EEPD1: variants seen among roughly 807,000 people sequenced by gnomAD.
EEPD1 encodes endonuclease/exonuclease/phosphatase family domain-containing protein 1.
Under a neutral mutation model 46.3 loss-of-function variants are expected in EEPD1, and 17 were observed. The observed-to-expected ratio is 0.37, with a 90% CI of 0.25 to 0.55. EEPD1 has a LOEUF of 0.55. EEPD1 is among the 20% of genes least tolerant of loss of function. The probability of loss-of-function intolerance (pLI) is 0.83; values close to 1 mark genes in which losing one functional copy is unlikely to be tolerated. For synonymous variants in EEPD1, 313 were observed against 315.6 expected (o/e 0.99, Z 0.09); for missense variants, 673 against 745.6 (o/e 0.90, Z 1.13).
At chr7:36,294,592 A>C (rs368786117) in intron 6 of EEPD1, among the ~76,000 whole-genome samples, 1 of 152,174 alleles carries the variant, frequency 6.6e-6, no homozygotes, top group African/African-American at 2.4e-5. Flanking sequence ...CACTCTAGGA[A>C]AATTCTGCCA....
At chr7:36,270,914 CCCA>C (rs1280989539) in intron 3 of EEPD1, among the ~76,000 whole-genome samples, 3 of 152,176 alleles carry the variant, frequency 2.0e-5, no homozygotes, top group African/African-American at 4.8e-5. Flanking sequence ...AATTTACACT[CCCA>C]CCAAGTGTAA....
chr7:36,250,038 G>A (rs1360637711), intron 3 of EEPD1, among the ~76,000 whole-genome samples: 4 of 152,100 alleles, frequency 2.6e-5, no homozygotes. Flanking sequence ...GGGCAACATA[G>A]TGAAACCCTG....
At position 36,299,500 on chromosome 7, in the gene EEPD1, A is replaced by T. The variant is rs1787583044; in HGVS notation, c.*294A>T. ...GCATTGGGCTGGCTGTCCGCTGCTGACTGGATGGCAGCACAAAGACAATAT... is the reference window on the plus strand; with the variant it reads ...GCATTGGGCTGGCTGTCCGCTGCTGTCTGGATGGCAGCACAAAGACAATAT... On this transcript the variant is annotated 3_prime_UTR_variant, in exon 8 of 8. Coordinates refer to ENST00000242108, the MANE Select transcript of EEPD1 (RefSeq NM_030636.3). 6.9e-6 allele frequency: 3 copies of T among 436,948 alleles called. No homozygotes were observed. 27.1% of individuals were successfully genotyped at this position (436,948 alleles called of 1,614,324 possible).
intron 3 of EEPD1, among the ~76,000 whole-genome samples, chr7:36,243,439 C>T (rs1021596625): frequency 6.6e-6 from 1 of 151,832 alleles, no homozygotes; most frequent in African/African-American, 2.4e-5. Flanking sequence ...ATAGGTAGAG[C>T]CAGCAAAAAA....
chr7:36,170,075 G>A (rs534314734), intron 2 of EEPD1, among the ~76,000 whole-genome samples: 183 of 152,226 alleles, frequency 1.2e-3, no homozygotes, highest in South Asian at 2.3e-3. Context: ...GATTGCTGCC[G>A]GCATCCACAA....
At chr7:36,220,429 G>T (rs1786124422) in intron 2 of EEPD1, among the ~76,000 whole-genome samples, 1 of 152,142 alleles carries the variant, frequency 6.6e-6, no homozygotes, top group African/African-American at 2.4e-5. Flanking sequence ...ATCTGGACTT[G>T]TATCATCATA....
At chr7:36,200,196 C>T (rs1785690867) in intron 2 of EEPD1, among the ~76,000 whole-genome samples, 1 of 151,952 alleles carries the variant, frequency 6.6e-6, no homozygotes, top group Non-Finnish European at 1.5e-5. Flanking sequence ...GTGTTCTCAT[C>T]ATTTATCTTC....
At chr7:36,155,956 CA>C (rs1287445979) in intron 2 of EEPD1, among the ~76,000 whole-genome samples, 1 of 152,168 alleles carries the variant, frequency 6.6e-6, no homozygotes, top group African/African-American at 2.4e-5. Context: ...TCGTCATAAA[CA>C]AAAACAATAT....
intron 2 of EEPD1, among the ~76,000 whole-genome samples, chr7:36,195,104 C>G (rs1785554582): frequency 1.3e-5 from 2 of 152,146 alleles, no homozygotes; most frequent in African/African-American, 4.8e-5. Flanking sequence ...CTGGTAAGGT[C>G]CCAGACAACA....
chr7:36,206,071 C>T (rs1024503577), intron 2 of EEPD1, among the ~76,000 whole-genome samples: 2 of 152,190 alleles, frequency 1.3e-5, no homozygotes, highest in Non-Finnish European at 2.9e-5. Context: ...ACTGCCCCAG[C>T]CCCACCCACA....
intron 6 of EEPD1, among the ~76,000 whole-genome samples, chr7:36,292,295 A>C (rs1027722191): frequency 2.6e-5 from 4 of 152,156 alleles, no homozygotes; most frequent in African/African-American, 9.7e-5. Flanking sequence ...CCACACTCAG[A>C]GTCATCCAGC....
intron 5 of EEPD1, among the ~76,000 whole-genome samples, chr7:36,287,313 C>G (rs1787355538): frequency 6.8e-6 from 1 of 147,246 alleles, no homozygotes; most frequent in Non-Finnish European, 1.5e-5. Flanking sequence ...CCACCTCCTT[C>G]TTATATAGGA....
At chr7:36,255,784 A>G (rs1786819617) in intron 3 of EEPD1, among the ~76,000 whole-genome samples, 1 of 152,068 alleles carries the variant, frequency 6.6e-6, no homozygotes, top group Non-Finnish European at 1.5e-5. Context: ...CAGCTCCTGG[A>G]TTCATTGATT....
rs1417480803 is a variant in EEPD1 at position 36,225,825 on chromosome 7, T to G, written c.879-13160T>G. Among the ~76,000 whole-genome samples the G allele has an allele frequency of 1.3e-5, 2 of 152,186 alleles. No individual in the cohort carries two copies. The highest frequency in any genetic ancestry group is 2.4e-5 in the African/African-American group (1 of 41,454). On this transcript the variant is annotated intron_variant, in intron 2 of 7. Transcript: ENST00000242108. The surrounding 1 kb of genome is among the most constrained non-coding windows in gnomAD (Gnocchi z 4.2). The stretch of plus-strand genomic sequence containing the variant: ...GGGTTATGTAGCAACCCAAACAATT[T>G]TATGCTCAGCTGAGTTGCCTTTTGT...
chr7:36,245,493 C>T (rs1786625962), intron 3 of EEPD1, among the ~76,000 whole-genome samples: 1 of 152,076 alleles, frequency 6.6e-6, no homozygotes, highest in South Asian at 2.1e-4. Context: ...TAGTTTTTGC[C>T]TCTTATTCTT....
intron 6 of EEPD1, among the ~76,000 whole-genome samples, chr7:36,296,052 AAAAT>A (rs1787519686): frequency 6.6e-6 from 1 of 151,592 alleles, no homozygotes; most frequent in Non-Finnish European, 1.5e-5. Context: ...AAAAAAAAAA[AAAAT>A]GAGATGCTCA....
chr7:36,225,081 C>T lies in EEPD1; in HGVS notation c.879-13904C>T, dbSNP rs1020840258. On this transcript the variant is annotated intron_variant, in intron 2 of 7. Transcript: ENST00000242108. This position sits in a 1 kb window ranked among gnomAD's most constrained non-coding sequence, Gnocchi z 4.2. Reference sequence around the variant, plus strand: ...AAAAATAGGCTCTCCTCTCGAGCCTCCAGAGGGAGTGCGGCCATTCCGATA... The same window carrying T: ...AAAAATAGGCTCTCCTCTCGAGCCTTCAGAGGGAGTGCGGCCATTCCGATA... Among the ~76,000 whole-genome samples, 1 of 152,046 alleles carries T rather than the reference C, an allele frequency of 6.6e-6. No homozygotes were observed. Among genetic ancestry groups the T allele is most frequent in the Non-Finnish European group, 1.5e-5 (1 of 68,008 alleles).
chr7:36,280,030 G>A (rs1342843490), intron 3 of EEPD1, among the ~76,000 whole-genome samples: 1 of 152,180 alleles, frequency 6.6e-6, no homozygotes, highest in African/African-American at 2.4e-5. Flanking sequence ...AGTGGAATCA[G>A]TGCGCTGGTG....
intron 6 of EEPD1, among the ~76,000 whole-genome samples, chr7:36,291,251 C>T (rs1476797798): frequency 6.6e-6 from 1 of 152,200 alleles, no homozygotes; most frequent in Non-Finnish European, 1.5e-5. Context: ...AATTCTGGGA[C>T]ATTTGTGGTT....
Sources: gnomAD v4.1 joint callset for allele counts (sites outside exome capture counted in the v4.1 genomes callset) on GRCh38, gnomAD v4.1.1 for gene constraint, Gnocchi (gnomAD v3.1) non-coding constraint, MANE v1.5 for transcripts, NCBI Gene and HGNC (gene_info 2026-07-23, HGNC 2026-07-21) for gene names.